Variants in ABL2 observed in about 807,000 individuals in gnomAD.
ABL2 encodes tyrosine-protein kinase ABL2.
A neutral mutation model predicts 107.7 loss-of-function variants in ABL2; 49 were observed. The observed-to-expected ratio is 0.45, with a 90% CI of 0.36 to 0.58. The LOEUF (loss-of-function observed/expected upper bound fraction) is 0.58, where lower values mean the gene tolerates loss of function less well. Ranked by LOEUF, ABL2 falls within the 20% of genes least tolerant of loss-of-function variation. The pLI is 0.00. For synonymous variants in ABL2, 549 were observed against 548.6 expected (o/e 1.00, Z -0.01); for missense variants, 1,245 against 1,457.0 (o/e 0.85, Z 2.37).
At chr1:179,142,880 C>T in intron 1 of ABL2, 3 of 1,586,650 alleles carry the variant, frequency 1.9e-6, no homozygotes, top group Non-Finnish European at 2.6e-6. Flanking sequence ...TTCATTCACA[C>T]TTGATTAATG....
chr1:179,131,447 T>C lies in ABL2; in HGVS notation c.255A>G (p.Glu85=), dbSNP rs756881677. The C allele has an allele frequency of 8.7e-6, 14 of 1,613,860 alleles. No homozygotes were observed. The East Asian group carries it at 2.9e-4, about 33-fold the overall frequency. The part of the protein sequence containing the change: ...ALHRPYGCDV[E]PQALNEAIRW... ...TGATAGCCTCATTTAGTGCCTGGGG[T>C]TCAACATCACAACCATAGGGACGAT... Residue 85 remains glutamate (E), a synonymous_variant, in exon 3 of 12, where the codon GAA becomes GAG. Transcript: ENST00000502732.
At chr1:179,175,813 C>A (rs1261930347) in intron 1 of ABL2, among the ~76,000 whole-genome samples, 1 of 150,572 alleles carries the variant, frequency 6.6e-6, no homozygotes, top group Non-Finnish European at 1.5e-5. Flanking sequence ...AAGAAGACTG[C>A]ATGCTAGACT....
intron 5 of ABL2, among the ~76,000 whole-genome samples, chr1:179,120,755 GA>G (rs989486541): frequency 6.6e-6 from 1 of 152,104 alleles, no homozygotes; most frequent in Non-Finnish European, 1.5e-5. Flanking sequence ...AACTTAGAAA[GA>G]AAAATGCCCT....
intron 1 of ABL2, among the ~76,000 whole-genome samples, chr1:179,209,122 T>A (rs928407278): frequency 2.0e-5 from 3 of 152,202 alleles, no homozygotes; most frequent in African/African-American, 7.2e-5. Flanking sequence ...TCTGACCTTC[T>A]CCAGCCCTTC....
At chr1:179,119,471 A>T (rs1654972266) in intron 6 of ABL2, among the ~76,000 whole-genome samples, 1 of 151,392 alleles carries the variant, frequency 6.6e-6, no homozygotes, top group South Asian at 2.1e-4. Context: ...GGATCATGCC[A>T]CTGCACTCCA....
rs1269454213 is a variant in ABL2 at position 179,118,638 on chromosome 1, G to C, written c.1172C>G (p.Thr391Ser). The C allele has an allele frequency of 1.9e-6, 3 of 1,613,620 alleles. No individual in the cohort carries two copies. In the South Asian group the frequency reaches 3.3e-5, roughly 18 times the overall value. ...GTACTCCATTGCAGAAGAAATCTGA[G>C]TGGCCATGTAGAGCAGCACAACTGC... ...VTAVVLLYMA[T>S]QISSAMEYLE... Residue 391 changes from threonine (T) to serine (S), a missense_variant, in exon 7 of 12, where the codon ACT becomes AGT. Physicochemically the swap from Thr to Ser is moderately conservative, Grantham distance 58. Coordinates refer to ENST00000502732, the MANE Select transcript of ABL2 (RefSeq NM_007314.4).
At chr1:179,225,893 A>G (rs1033633014) in intron 1 of ABL2, among the ~76,000 whole-genome samples, 1 of 151,736 alleles carries the variant, frequency 6.6e-6, no homozygotes, top group Non-Finnish European at 1.5e-5. Flanking sequence ...TACAAAAAAA[A>G]ATTAGCCGGG....
intron 1 of ABL2, among the ~76,000 whole-genome samples, chr1:179,228,760 A>C (rs1033073699): frequency 6.6e-6 from 1 of 152,200 alleles, no homozygotes; most frequent in Admixed American, 6.5e-5. Context: ...CACTATCCTG[A>C]CACTGCTCAT....
rs759895295 is a variant in ABL2, at chr1:179,133,326, CCA to C, written c.204_205del (p.Gly69ArgfsTer3). ...ACATCTCTCACCTGGACTACTGCCTCCAGTCTTGTCTCCCTCAAATCCATCCT... is the reference window on the plus strand; with the variant it reads ...ACATCTCTCACCTGGACTACTGCCTCGTCTTGTCTCCCTCAAATCCATCCT... On this transcript the variant is annotated frameshift_variant, in exon 2 of 12. Coordinates refer to ENST00000502732, the MANE Select transcript of ABL2 (RefSeq NM_007314.4). LOFTEE classifies it high-confidence loss of function. 5 of 1,614,134 alleles carry C rather than the reference CCA, an allele frequency of 3.1e-6. No homozygotes were observed. The Admixed American group carries it at 6.7e-5, about 22-fold the overall frequency.
intron 1 of ABL2, among the ~76,000 whole-genome samples, chr1:179,228,346 C>A (rs1223215429): frequency 6.7e-6 from 1 of 149,918 alleles, no homozygotes; most frequent in African/African-American, 2.5e-5. Context: ...GACTCTGTCT[C>A]AAAAAAAACA....
intron 1 of ABL2, among the ~76,000 whole-genome samples, chr1:179,175,012 A>G (rs924038473): frequency 3.3e-5 from 5 of 151,394 alleles, no homozygotes; most frequent in Non-Finnish European, 7.4e-5. Context: ...CTGATCTTTT[A>G]GTGTCTTTCC....
chr1:179,147,181 C>CAAAAAAAAAAAAAAAAAAAAAAAAAAAA lies in ABL2; in HGVS notation c.158-13808_158-13807insTTTTTTTTTTTTTTTTTTTTTTTTTTTT, dbSNP rs58297805. Reference sequence around the variant, plus strand: ...CCAATCACTAATCATCAGAGAAATGCAAAAAAAAAAAAAAAAAAAAAAAAA... The same window carrying CAAAAAAAAAAAAAAAAAAAAAAAAAAAA: ...CCAATCACTAATCATCAGAGAAATGCAAAAAAAAAAAAAAAAAAAAAAAAAAAAAAAAAAAAAAAAAAAAAAAAAAAAA... On this transcript the variant is annotated intron_variant, in intron 1 of 11. Coordinates refer to ENST00000502732, the MANE Select transcript of ABL2 (RefSeq NM_007314.4). 5.1e-4 allele frequency among the ~76,000 whole-genome samples: 26 copies of CAAAAAAAAAAAAAAAAAAAAAAAAAAAA among 50,536 alleles called. 5 individuals carry two copies. Among genetic ancestry groups the CAAAAAAAAAAAAAAAAAAAAAAAAAAAA allele is most frequent in the African/African-American group, 8.3e-4 (11 of 13,244 alleles). 33.2% of individuals were successfully genotyped at this position (50,536 alleles called of 152,430 possible).
intron 1 of ABL2, among the ~76,000 whole-genome samples, chr1:179,168,020 T>C (rs1273330075): frequency 1.3e-5 from 2 of 152,058 alleles, no homozygotes; most frequent in Non-Finnish European, 2.9e-5. Flanking sequence ...AAAAGAGAAA[T>C]ACAAATCCAA....
intron 1 of ABL2, among the ~76,000 whole-genome samples, chr1:179,149,091 T>G (rs927678389): frequency 6.6e-6 from 1 of 152,146 alleles, no homozygotes; most frequent in Non-Finnish European, 1.5e-5. Flanking sequence ...AGCCAAGTTG[T>G]GAATGCAAAG....
chr1:179,137,882 C>T (rs1203364283), intron 1 of ABL2: 1 of 152,132 alleles, frequency 6.6e-6, no homozygotes, highest in Non-Finnish European at 1.5e-5. Flanking sequence ...GACTGGAGGC[C>T]AATTCTGGAC....
At chr1:179,113,770 A>G (rs1435773165) in intron 9 of ABL2, among the ~76,000 whole-genome samples, 3 of 151,996 alleles carry the variant, frequency 2.0e-5, no homozygotes, top group Non-Finnish European at 4.4e-5. Flanking sequence ...CTACTAAAAA[A>G]TGCAAAAAAA....
intron 11 of ABL2, 114 bp downstream of exon 11, chr1:179,110,168 G>C: frequency 1.6e-6 from 2 of 1,283,876 alleles, no homozygotes; most frequent in Non-Finnish European, 2.2e-6. Context: ...TAAAAGAGAC[G>C]CCATGCTTTC....
At chr1:179,204,151 C>A (rs550636784) in intron 1 of ABL2, among the ~76,000 whole-genome samples, 1 of 152,012 alleles carries the variant, frequency 6.6e-6, no homozygotes, top group African/African-American at 2.4e-5. Context: ...CTCAGCCTCT[C>A]GAGTAGCTGG....
intron 8 of ABL2, 176 bp downstream of exon 8, chr1:179,117,156 T>C: frequency 1.4e-6 from 1 of 697,286 alleles, no homozygotes; most frequent in Non-Finnish European, 2.4e-6. Context: ...TTATGCAAAG[T>C]TCTTAACACA....
Sources: gnomAD v4.1 joint callset for allele counts (sites outside exome capture counted in the v4.1 genomes callset) on GRCh38, gnomAD v4.1.1 for gene constraint, MANE v1.5 for transcripts, NCBI Gene and HGNC (gene_info 2026-07-23, HGNC 2026-07-21) for gene names.